The following GALM variants were observed in gnomAD, a reference collection of about 807,000 sequenced individuals.
GALM encodes galactose mutarotase.
In GALM, 43 loss-of-function variants were observed where a neutral mutation model predicts 37.4. The observed-to-expected ratio is 1.15, with a 90% confidence interval of 0.90 to 1.48. The LOEUF is 1.48. Among genes scored for constraint, GALM ranks in the 40% most tolerant of loss-of-function variants. The pLI, the probability that GALM is intolerant of heterozygous loss-of-function variation, is 0.00. For synonymous variants in GALM, 199 were observed against 170.6 expected (o/e 1.17, Z -1.30); for missense variants, 456 against 419.1 (o/e 1.09, Z -0.77).
In GALM at chr2:38,734,406, A is replaced by T. The variant is rs1249515433; in HGVS notation, c.*841A>T. On this transcript the variant is annotated 3_prime_UTR_variant, in exon 7 of 7. Transcript: ENST00000272252. Reference sequence around the variant, plus strand: ...CTCAAAAAAAAAAAAAAAAAAAAGGAAAAAAAAGCAGCTCTCTCTCTCGGG... The same window carrying T: ...CTCAAAAAAAAAAAAAAAAAAAAGGTAAAAAAAGCAGCTCTCTCTCTCGGG... 1 of 135,006 alleles carries T rather than the reference A, an allele frequency of 7.4e-6. No homozygotes were observed. Among genetic ancestry groups the T allele is most frequent in the African/African-American group, 2.8e-5 (1 of 35,834 alleles). The allele number at this position is 135,006 out of a possible 1,614,324, so 8.4% of individuals were successfully genotyped here.
Position 38,666,325 on chromosome 2 carries a change from T to C in GALM, c.164T>C (p.Val55Ala), listed in dbSNP as rs749117259. ...VKDRQGRASD[V>A]VLGFAELEGY... ...GACAGGCAGGGGAGAGCCTCGGACGTGGTGCTTGGCTTCGCCGAGTTGGAA... is the reference window on the plus strand; with the variant it reads ...GACAGGCAGGGGAGAGCCTCGGACGCGGTGCTTGGCTTCGCCGAGTTGGAA... The change falls in exon 1 of 7, where the codon GTG becomes GCG. Residue 55 changes from valine (V) to alanine (A), a missense_variant. Coordinates refer to ENST00000272252, the MANE Select transcript of GALM (RefSeq NM_138801.3). 6.2e-7 allele frequency: 1 copy of C among 1,612,854 alleles called. No homozygotes were observed. Among genetic ancestry groups the C allele is most frequent in the African/African-American group, 1.3e-5 (1 of 74,840 alleles).
chr2:38,719,791 A>T (rs972340503), intron 4 of GALM, among the ~76,000 whole-genome samples: 4 of 150,402 alleles, frequency 2.7e-5, no homozygotes, highest in African/African-American at 9.8e-5. Context: ...AAAAAAAAAA[A>T]GATTAGGATC....
chr2:38,666,922 G>A (rs149594970), intron 1 of GALM, among the ~76,000 whole-genome samples: 3 of 152,090 alleles, frequency 2.0e-5, no homozygotes, highest in Non-Finnish European at 2.9e-5. Flanking sequence ...TCAGAGATCA[G>A]GTCTCCTACC....
At chr2:38,717,251 A>C (rs545826406) in intron 4 of GALM, among the ~76,000 whole-genome samples, 65 of 149,708 alleles carry the variant, frequency 4.3e-4, no homozygotes, top group African/African-American at 1.5e-3. Context: ...ACTCCATCTC[A>C]AGAAAAAAAA....
chr2:38,729,562 T>G lies in GALM; in HGVS notation c.641T>G (p.Val214Gly). ...VDETLIPTGEVAPVQGTAFDL... is the reference protein window; with the variant it reads ...VDETLIPTGEGAPVQGTAFDL... ...TTCTGTCTCTTCCCATCAGGAGAAGTTGCCCCAGTGCAAGGCACTGCATTC... is the reference window on the plus strand; with the variant it reads ...TTCTGTCTCTTCCCATCAGGAGAAGGTGCCCCAGTGCAAGGCACTGCATTC... Residue 214 changes from valine to glycine, a missense_variant, in exon 5 of 7, where the codon GTT becomes GGT. By Grantham distance (109) the Val-to-Gly change is moderately radical. Coordinates refer to ENST00000272252, the MANE Select transcript of GALM (RefSeq NM_138801.3). 1 of 1,613,116 alleles carries G rather than the reference T, an allele frequency of 6.2e-7. No individual in the cohort carries two copies. The highest frequency in any genetic ancestry group is 8.5e-7 in the Non-Finnish European group (1 of 1,179,466).
Position 38,679,578 on chromosome 2 carries a change from A to G in GALM, c.346-1702A>G, listed in dbSNP as rs557364134. 5.3e-5 allele frequency among the ~76,000 whole-genome samples: 8 copies of G among 152,358 alleles called. No individual in the cohort carries two copies. In the South Asian group the frequency reaches 1.2e-3, roughly 24 times the overall value. On this transcript the variant is annotated intron_variant, in intron 2 of 6. Transcript: ENST00000272252. Reference sequence around the variant, plus strand: ...TATGTAAAGCACCAGGTCATTGACTATTGAGCACTCAACAAGTTGGAGGTC... The same window carrying G: ...TATGTAAAGCACCAGGTCATTGACTGTTGAGCACTCAACAAGTTGGAGGTC...
intron 1 of GALM, among the ~76,000 whole-genome samples, chr2:38,675,531 T>TTG (rs1665229148): frequency 1.3e-5 from 1 of 75,148 alleles, no homozygotes; most frequent in East Asian, 4.5e-4. Flanking sequence ...TTTTTGTTTT[T>TTG]TTTTTTTTTT....
At chr2:38,701,388 G>A (rs1313625395) in intron 4 of GALM, among the ~76,000 whole-genome samples, 1 of 152,052 alleles carries the variant, frequency 6.6e-6, no homozygotes, top group African/African-American at 2.4e-5. Flanking sequence ...TAGTAGATAA[G>A]GAATTAAGAA....
Position 38,666,291 on chromosome 2 carries a change from G to C in GALM, c.130G>C (p.Glu44Gln), listed in dbSNP as rs752221147. 1.9e-6 allele frequency: 3 copies of C among 1,614,098 alleles called. No homozygotes were observed. In the South Asian group the frequency reaches 3.3e-5, roughly 18 times the overall value. Reference sequence around the variant, plus strand: ...CTGGGGCTGCACGATCACAGCCCTAGAGGTCAAAGACAGGCAGGGGAGAGC... The same window carrying C: ...CTGGGGCTGCACGATCACAGCCCTACAGGTCAAAGACAGGCAGGGGAGAGC... The part of the protein sequence containing the change: ...ISWGCTITAL[E>Q]VKDRQGRASD... Residue 44 changes from glutamate to glutamine, a missense_variant, in exon 1 of 7, where the codon GAG becomes CAG. Coordinates refer to ENST00000272252, the MANE Select transcript of GALM (RefSeq NM_138801.3).
At chr2:38,698,487 C>T in intron 4 of GALM, 1 of 814,878 alleles carries the variant, frequency 1.2e-6, no homozygotes, top group Non-Finnish European at 1.7e-6. Context: ...AGCTCTGCGT[C>T]TTCAGAGCAA....
rs368253953 is a variant in GALM at position 38,689,853 on chromosome 2, C to A, written c.593C>A (p.Ala198Glu). Residue 198 changes from alanine to glutamate, a missense_variant, in exon 4 of 7, where the codon GCG becomes GAG. Coordinates refer to ENST00000272252, the MANE Select transcript of GALM (RefSeq NM_138801.3). ...AATGACCATGAAGTCACCATAGAAGCGGATACTTATTTGCCTGTGGATGAA... is the reference window on the plus strand; with the variant it reads ...AATGACCATGAAGTCACCATAGAAGAGGATACTTATTTGCCTGTGGATGAA... ...NINDHEVTIE[A>E]DTYLPVDETL... The A allele has an allele frequency of 1.9e-6, 3 of 1,611,992 alleles. No homozygotes were observed. The highest frequency in any genetic ancestry group is 1.7e-6 in the Non-Finnish European group (2 of 1,178,486).
At chr2:38,705,502 C>T (rs1165086875) in intron 4 of GALM, among the ~76,000 whole-genome samples, 1 of 152,032 alleles carries the variant, frequency 6.6e-6, no homozygotes, top group Non-Finnish European at 1.5e-5. Context: ...AGTGTAGAAG[C>T]CAGGGTAGAA....
At chr2:38,693,034 AG>A (rs1021460854) in intron 4 of GALM, among the ~76,000 whole-genome samples, 1 of 152,174 alleles carries the variant, frequency 6.6e-6, no homozygotes, top group Non-Finnish European at 1.5e-5. Context: ...TGCAATCCCT[AG>A]GGTGGCCCTG....
chr2:38,703,056 AT>A (rs1665952298), intron 4 of GALM, among the ~76,000 whole-genome samples: 1 of 1,520 alleles, frequency 6.6e-4, no homozygotes, highest in Non-Finnish European at 1.9e-3. Flanking sequence ...GTGGGATTTT[AT>A]ATATATATAT....
chr2:38,721,791 C>T (rs1009389839), intron 4 of GALM, among the ~76,000 whole-genome samples: 3 of 151,922 alleles, frequency 2.0e-5, no homozygotes, highest in Non-Finnish European at 2.9e-5. Context: ...GCTGGGATTA[C>T]AGGCGTGAGC....
chr2:38,705,651 T>C (rs1666020781), intron 4 of GALM, among the ~76,000 whole-genome samples: 1 of 152,138 alleles, frequency 6.6e-6, no homozygotes, highest in Non-Finnish European at 1.5e-5. Context: ...AAAGAGACAG[T>C]TGGGCAGAGC....
chr2:38,681,619 G>A (rs954530211), intron 3 of GALM, 133 bp downstream of exon 3: 6 of 715,536 alleles, frequency 8.4e-6, no homozygotes, highest in Non-Finnish European at 1.5e-5. Flanking sequence ...GGGCCCAGCA[G>A]AGGGCTTATA....
intron 2 of GALM, among the ~76,000 whole-genome samples, chr2:38,679,199 C>G (rs1007990804): frequency 6.6e-6 from 1 of 152,146 alleles, no homozygotes; most frequent in Admixed American, 6.6e-5. Context: ...GTTGGCCAGG[C>G]TTGTCTCGAA....
chr2:38,717,248 C>G (rs1357306960), intron 4 of GALM, among the ~76,000 whole-genome samples: 3 of 147,596 alleles, frequency 2.0e-5, no homozygotes, highest in Non-Finnish European at 4.4e-5. Context: ...GAAACTCCAT[C>G]TCAAGAAAAA....
Sources: allele counts gnomAD v4.1 joint callset (sites outside exome capture counted in the v4.1 genomes callset), GRCh38; gene constraint gnomAD v4.1.1; transcripts MANE v1.5; gene names NCBI Gene and HGNC (gene_info 2026-07-23, HGNC 2026-07-21).